KCNIP1: variants seen among roughly 807,000 people sequenced by gnomAD.
KCNIP1 encodes the protein A-type potassium channel modulatory protein KCNIP1.
A neutral mutation model predicts 33.0 loss-of-function variants in KCNIP1; 18 were observed. That is an observed-to-expected ratio of 0.55 (90% confidence interval 0.38 to 0.81). KCNIP1 has a LOEUF of 0.81. Among genes scored for constraint, KCNIP1 ranks in the 30% least tolerant of loss-of-function variants. The pLI is 0.00. For synonymous variants in KCNIP1, 93 were observed against 98.3 expected (o/e 0.95, Z 0.32); for missense variants, 238 against 271.6 (o/e 0.88, Z 0.87).
chr5:170,695,937 C>T (rs554269954), intron 1 of KCNIP1, among the ~76,000 whole-genome samples: 2 of 150,874 alleles, frequency 1.3e-5, no homozygotes, highest in African/African-American at 2.4e-5. Context: ...GAGAATTGTT[C>T]GAACCAGGGA....
At chr5:170,440,867 T>G (rs1242396230) in intron 1 of KCNIP1, among the ~76,000 whole-genome samples, 2 of 152,140 alleles carry the variant, frequency 1.3e-5, no homozygotes, top group Non-Finnish European at 2.9e-5. Context: ...GGATGAAGCT[T>G]CCGCTCTGGA....
At chr5:170,533,335 C>T (rs543138238) in intron 1 of KCNIP1, among the ~76,000 whole-genome samples, 2 of 152,222 alleles carry the variant, frequency 1.3e-5, no homozygotes, top group African/African-American at 4.8e-5. Flanking sequence ...CCAAGTTTAA[C>T]AGGCATTTCT....
intron 1 of KCNIP1, among the ~76,000 whole-genome samples, chr5:170,367,110 G>C (rs1471531073): frequency 6.6e-6 from 1 of 152,036 alleles, no homozygotes; most frequent in Non-Finnish European, 1.5e-5. Context: ...CTTGAGGTCA[G>C]GAGCTCGAGA....
At chr5:170,532,891 A>G (rs1488864566) in intron 1 of KCNIP1, among the ~76,000 whole-genome samples, 1 of 152,032 alleles carries the variant, frequency 6.6e-6, no homozygotes, top group Non-Finnish European at 1.5e-5. Context: ...CAGTCCAAGG[A>G]AGTTTTATGC....
intron 1 of KCNIP1, among the ~76,000 whole-genome samples, chr5:170,701,945 C>T (rs1763112572): frequency 6.6e-6 from 1 of 152,218 alleles, no homozygotes; most frequent in South Asian, 2.1e-4. Flanking sequence ...GGGCTATCAC[C>T]TCGCCTTTCC....
intron 1 of KCNIP1, among the ~76,000 whole-genome samples, chr5:170,396,123 C>A (rs1258775782): frequency 6.6e-6 from 1 of 152,218 alleles, no homozygotes; most frequent in African/African-American, 2.4e-5. Flanking sequence ...AGAGGATACA[C>A]TTCAACTGGG....
intron 1 of KCNIP1, among the ~76,000 whole-genome samples, chr5:170,628,788 C>T (rs1019875696): frequency 2.0e-5 from 3 of 152,318 alleles, no homozygotes; most frequent in Middle Eastern, 3.4e-3. Flanking sequence ...CTGCTGCACT[C>T]GAGGGCAGCT....
intron 1 of KCNIP1, among the ~76,000 whole-genome samples, chr5:170,581,206 T>C (rs755215647): frequency 7.9e-5 from 12 of 152,254 alleles, no homozygotes; most frequent in Middle Eastern, 3.4e-3. Flanking sequence ...TGGAGCCAGA[T>C]GGAACTACAG....
intron 1 of KCNIP1, among the ~76,000 whole-genome samples, chr5:170,570,693 G>A (rs920565676): frequency 6.6e-6 from 1 of 152,266 alleles, no homozygotes; most frequent in African/African-American, 2.4e-5. Flanking sequence ...CGGCGGGTCA[G>A]CATTGGAGCA....
At chr5:170,730,534 A>G (rs1764159130) in intron 5 of KCNIP1, among the ~76,000 whole-genome samples, 1 of 151,552 alleles carries the variant, frequency 6.6e-6, no homozygotes, top group African/African-American at 2.4e-5. Flanking sequence ...TTCTGTGATT[A>G]AAAAAAAATA....
At chr5:170,650,807 T>G (rs1256642644) in intron 1 of KCNIP1, among the ~76,000 whole-genome samples, 1 of 152,190 alleles carries the variant, frequency 6.6e-6, no homozygotes, top group Admixed American at 6.5e-5. Context: ...AAATTGGATT[T>G]CATCAAAAAT....
intron 1 of KCNIP1, among the ~76,000 whole-genome samples, chr5:170,699,542 T>G: frequency 7.0e-6 from 1 of 143,482 alleles, no homozygotes; most frequent in Admixed American, 6.9e-5. Flanking sequence ...AAAATAAGAA[T>G]TAAATTGCTC....
chr5:170,379,173 G>A (rs528237797), intron 1 of KCNIP1, among the ~76,000 whole-genome samples: 3 of 152,238 alleles, frequency 2.0e-5, no homozygotes, highest in East Asian at 1.9e-4. Context: ...TGTGGATGGC[G>A]GTGCTGGAGC....
intron 1 of KCNIP1, among the ~76,000 whole-genome samples, chr5:170,694,275 T>C (rs1476500802): frequency 6.6e-6 from 1 of 152,246 alleles, no homozygotes; most frequent in African/African-American, 2.4e-5. Flanking sequence ...TAAAAATTCA[T>C]ATATTTTTAA....
At chr5:170,465,734 G>T (rs993394883) in intron 1 of KCNIP1, among the ~76,000 whole-genome samples, 2 of 152,170 alleles carry the variant, frequency 1.3e-5, no homozygotes, top group African/African-American at 4.8e-5. Context: ...GGCAGAGAAG[G>T]CTTCTTGAAC....
intron 1 of KCNIP1, among the ~76,000 whole-genome samples, chr5:170,442,324 C>T (rs1043608442): frequency 6.6e-6 from 1 of 152,148 alleles, no homozygotes; most frequent in Admixed American, 6.5e-5. Context: ...TCCTCAGGGG[C>T]CCAGTGGCCC....
chr5:170,586,208 C>T (rs10780115), intron 1 of KCNIP1, among the ~76,000 whole-genome samples: 115,878 of 152,158 alleles, frequency 0.76, 44,786 homozygotes, highest in East Asian at 0.91. Context: ...CTATTATGAT[C>T]ATCGATTGCT....
intron 7 of KCNIP1, 48 bp from the exon 8 acceptor site, chr5:170,735,711 A>G (rs768462673): frequency 1.4e-5 from 22 of 1,521,894 alleles, no homozygotes; most frequent in Non-Finnish European, 2.0e-5. Flanking sequence ...CAGAGCTCTC[A>G]GGGAGGAGAC....
chr5:170,660,653 G>A (rs1761448851), intron 1 of KCNIP1, among the ~76,000 whole-genome samples: 1 of 152,226 alleles, frequency 6.6e-6, no homozygotes, highest in Admixed American at 6.5e-5. Flanking sequence ...GGAAGAGAGG[G>A]ATGGGTCCTC....
Sources: gnomAD v4.1 joint callset for allele counts (sites outside exome capture counted in the v4.1 genomes callset) on GRCh38, gnomAD v4.1.1 for gene constraint, MANE v1.5 for transcripts, NCBI Gene and HGNC (gene_info 2026-07-23, HGNC 2026-07-21) for gene names.